Variants in RUNDC3B observed in about 807,000 individuals in gnomAD.
RUNDC3B encodes RUN domain containing 3B, also known as RUN domain-containing protein 3B.
In RUNDC3B, 33 loss-of-function variants were observed where a neutral mutation model predicts 58.4. The observed-to-expected ratio is 0.56, with a 90% CI of 0.43 to 0.75. RUNDC3B has a LOEUF of 0.75. Among genes scored for constraint, RUNDC3B ranks in the 30% least tolerant of loss-of-function variants. The pLI is 0.00. For synonymous variants in RUNDC3B, 193 were observed against 195.2 expected (o/e 0.99, Z 0.10); for missense variants, 501 against 535.7 (o/e 0.94, Z 0.64).
chr7:87,738,285 C>T (rs541776775), intron 4 of RUNDC3B, among the ~76,000 whole-genome samples: 2 of 152,116 alleles, frequency 1.3e-5, no homozygotes, highest in South Asian at 4.1e-4. Flanking sequence ...CTCAAACATA[C>T]ATATTTGTCT....
chr7:87,686,531 A>T (rs1215560962), intron 2 of RUNDC3B, among the ~76,000 whole-genome samples: 1 of 152,202 alleles, frequency 6.6e-6, no homozygotes, highest in African/African-American at 2.4e-5. Flanking sequence ...ATTAAGAAAA[A>T]TAGAAATTTA....
intron 2 of RUNDC3B, among the ~76,000 whole-genome samples, chr7:87,652,438 TCCA>T (rs1823667890): frequency 6.6e-6 from 1 of 151,878 alleles, no homozygotes; most frequent in Non-Finnish European, 1.5e-5. Flanking sequence ...AACAATCAAA[TCCA>T]TTAATGTTAT....
intron 2 of RUNDC3B, among the ~76,000 whole-genome samples, chr7:87,673,424 T>A (rs1411215076): frequency 6.6e-6 from 1 of 152,220 alleles, no homozygotes; most frequent in South Asian, 2.1e-4. Context: ...TCCTTTTTAT[T>A]CTTTTTTCTT....
chr7:87,685,916 C>A (rs1827412195), intron 2 of RUNDC3B, among the ~76,000 whole-genome samples: 1 of 152,126 alleles, frequency 6.6e-6, no homozygotes, highest in Non-Finnish European at 1.5e-5. Flanking sequence ...ACTCCTTGAT[C>A]CTCACTTATT....
chr7:87,662,173 T>C (rs1367107755), intron 2 of RUNDC3B, among the ~76,000 whole-genome samples: 1 of 152,196 alleles, frequency 6.6e-6, no homozygotes, highest in Non-Finnish European at 1.5e-5. Flanking sequence ...ATGAGTAGTC[T>C]GCAAATATTT....
intron 6 of RUNDC3B, among the ~76,000 whole-genome samples, chr7:87,767,891 C>G (rs373586281): frequency 6.6e-6 from 1 of 152,146 alleles, no homozygotes; most frequent in South Asian, 2.1e-4. Context: ...CTATCTTTAT[C>G]TCTAGGCCAC....
At position 87,641,616 on chromosome 7, in the gene RUNDC3B, T is replaced by C. The variant is rs573211443; in HGVS notation, c.123-9206T>C. ...CTGGCCGACAGCTGTGAATGTGCACTAAATGAAAGAGCTCTTCTTCCCTGC... is the reference window on the plus strand; with the variant it reads ...CTGGCCGACAGCTGTGAATGTGCACCAAATGAAAGAGCTCTTCTTCCCTGC... On this transcript the variant is annotated intron_variant, in intron 1 of 10. Coordinates refer to ENST00000394654, the MANE Select transcript of RUNDC3B (RefSeq NM_001134405.2). 2.0e-5 allele frequency among the ~76,000 whole-genome samples: 3 copies of C among 152,338 alleles called. No individual in the cohort carries two copies. The South Asian group carries it at 6.2e-4, about 32-fold the overall frequency.
intron 1 of RUNDC3B, among the ~76,000 whole-genome samples, chr7:87,640,162 A>T (rs1045957179): frequency 3.3e-5 from 5 of 149,412 alleles, no homozygotes; most frequent in African/African-American, 1.2e-4. Flanking sequence ...TTATTCCCCC[A>T]CATCCTAAAA....
At chr7:87,795,023 A>G (rs933816619) in intron 8 of RUNDC3B, among the ~76,000 whole-genome samples, 1 of 152,214 alleles carries the variant, frequency 6.6e-6, no homozygotes, top group Non-Finnish European at 1.5e-5. Flanking sequence ...TGAAGCTACT[A>G]CAGGAAAACT....
At chr7:87,673,930 G>A (rs1362579448) in intron 2 of RUNDC3B, among the ~76,000 whole-genome samples, 1 of 152,132 alleles carries the variant, frequency 6.6e-6, no homozygotes, top group Non-Finnish European at 1.5e-5. Flanking sequence ...TGTGATATAA[G>A]GTAGGTTCAG....
intron 2 of RUNDC3B, among the ~76,000 whole-genome samples, chr7:87,662,736 G>A (rs886919438): frequency 6.6e-6 from 1 of 151,816 alleles, no homozygotes; most frequent in Non-Finnish European, 1.5e-5. Flanking sequence ...GTCTATTCTG[G>A]GTCTTTGTGG....
intron 4 of RUNDC3B, among the ~76,000 whole-genome samples, chr7:87,731,239 A>G (rs1473761537): frequency 6.6e-6 from 1 of 152,240 alleles, no homozygotes; most frequent in African/African-American, 2.4e-5. Context: ...AATGAACTAT[A>G]TAAGATGTCA....
chr7:87,633,476 GC>G (rs947614953), intron 1 of RUNDC3B, among the ~76,000 whole-genome samples: 20 of 152,108 alleles, frequency 1.3e-4, no homozygotes, highest in Admixed American at 6.5e-4. Context: ...TGCCTAAGTG[GC>G]CCCAGAAGAT....
At chr7:87,823,393 AT>A (rs1563234777) in intron 10 of RUNDC3B, among the ~76,000 whole-genome samples, 2 of 151,770 alleles carry the variant, frequency 1.3e-5, no homozygotes, top group East Asian at 3.9e-4. Flanking sequence ...AAAATTGAGT[AT>A]CTTTATTTTT....
intron 3 of RUNDC3B, among the ~76,000 whole-genome samples, chr7:87,703,717 A>T (rs1182117880): frequency 6.6e-6 from 1 of 151,742 alleles, no homozygotes; most frequent in Non-Finnish European, 1.5e-5. Flanking sequence ...TTGTTATTAC[A>T]TATTAACAGA....
At chr7:87,738,970 T>G (rs1033327681) in intron 4 of RUNDC3B, among the ~76,000 whole-genome samples, 4 of 151,916 alleles carry the variant, frequency 2.6e-5, no homozygotes, top group Non-Finnish European at 5.9e-5. Context: ...CTCTCTTATA[T>G]GTAATATAAA....
chr7:87,645,810 T>G (rs901390825), intron 1 of RUNDC3B, among the ~76,000 whole-genome samples: 1 of 152,136 alleles, frequency 6.6e-6, no homozygotes, highest in Non-Finnish European at 1.5e-5. Context: ...TTTAGAGAAG[T>G]GAGTATTGAG....
chr7:87,776,186 T>C (rs1173847214), intron 7 of RUNDC3B, among the ~76,000 whole-genome samples: 2 of 152,114 alleles, frequency 1.3e-5, no homozygotes, highest in East Asian at 3.9e-4. Flanking sequence ...GCCTATATCC[T>C]AGGAATTCTA....
chr7:87,656,143 A>G (rs1432022792), intron 2 of RUNDC3B, among the ~76,000 whole-genome samples: 3 of 152,110 alleles, frequency 2.0e-5, no homozygotes, highest in African/African-American at 7.2e-5. Context: ...TGGACTAAGA[A>G]AGTGAGGTAA....
Sources: allele counts gnomAD v4.1 joint callset (sites outside exome capture counted in the v4.1 genomes callset), GRCh38; gene constraint gnomAD v4.1.1; transcripts MANE v1.5; gene names NCBI Gene and HGNC (gene_info 2026-07-23, HGNC 2026-07-21).